The following CACNA2D1 variants were observed in gnomAD, a reference collection of about 807,000 sequenced individuals.
CACNA2D1 encodes the protein calcium voltage-gated channel auxiliary subunit alpha2delta 1.
In CACNA2D1, 53 loss-of-function variants were observed where a neutral mutation model predicts 171.5. The observed-to-expected ratio is 0.31, with a 90% confidence interval of 0.25 to 0.39. The LOEUF is 0.39. Ranked by LOEUF, CACNA2D1 falls within the 10% of genes least tolerant of loss-of-function variation. The pLI is 1.00. For missense variants in CACNA2D1, 903 were observed against 1,299.8 expected (o/e 0.69, Z 4.69); for synonymous variants, 442 against 443.1 (o/e 1.00, Z 0.03).
chr7:82,372,591 T>G (rs187229379), intron 1 of CACNA2D1, among the ~76,000 whole-genome samples: 3 of 151,942 alleles, frequency 2.0e-5, no homozygotes, highest in Admixed American at 1.3e-4. Context: ...TGTATAAAAT[T>G]TTGCAGTATA....
intron 4 of CACNA2D1, among the ~76,000 whole-genome samples, chr7:82,162,195 G>C (rs1185128878): frequency 6.6e-6 from 1 of 151,986 alleles, no homozygotes; most frequent in South Asian, 2.1e-4. Context: ...AGTGAGTAAA[G>C]GTGAAAATGT....
intron 5 of CACNA2D1, among the ~76,000 whole-genome samples, chr7:82,128,205 C>T (rs1790561321): frequency 1.3e-5 from 2 of 151,906 alleles, no homozygotes; most frequent in Admixed American, 1.3e-4. Flanking sequence ...GCTGGGATTA[C>T]AGGTGTGCAC....
chr7:82,422,382 C>T (rs932236293), intron 1 of CACNA2D1, among the ~76,000 whole-genome samples: 8 of 152,172 alleles, frequency 5.3e-5, no homozygotes, highest in African/African-American at 1.7e-4. Context: ...TTGTTGTGAG[C>T]TTTATCCAGA....
intron 24 of CACNA2D1, among the ~76,000 whole-genome samples, chr7:81,978,753 G>GTGTGTGTGTATATATATATATA (rs145105210): frequency 7.2e-6 from 1 of 139,478 alleles, no homozygotes; most frequent in African/African-American, 2.7e-5. Context: ...TTTAAAAAGT[G>GTGTGTGTGTATATATATATATA]TATATATATA....
intron 10 of CACNA2D1, among the ~76,000 whole-genome samples, chr7:82,041,790 G>C (rs1803992375): frequency 6.6e-6 from 1 of 152,058 alleles, no homozygotes; most frequent in African/African-American, 2.4e-5. Context: ...CCCTGTATTG[G>C]TAAGTAAAAA....
chr7:82,012,913 T>G (rs985336774), intron 14 of CACNA2D1, among the ~76,000 whole-genome samples: 5 of 152,090 alleles, frequency 3.3e-5, no homozygotes, highest in Non-Finnish European at 2.9e-5. Context: ...ATATTTAAAT[T>G]AACTTAATTA....
intron 2 of CACNA2D1, among the ~76,000 whole-genome samples, chr7:82,342,041 G>A (rs1276469262): frequency 9.2e-5 from 11 of 119,286 alleles, no homozygotes; most frequent in East Asian, 2.7e-4. Flanking sequence ...GCTACAGCGC[G>A]AGACTCCGTC....
chr7:82,157,814 C>T (rs1357424561), intron 4 of CACNA2D1, among the ~76,000 whole-genome samples: 3 of 151,894 alleles, frequency 2.0e-5, no homozygotes, highest in East Asian at 3.9e-4. Context: ...ACCCAAAATG[C>T]TCAGAACATA....
chr7:82,198,270 G>A lies in CACNA2D1; in HGVS notation c.295-27661C>T, dbSNP rs188926790. Among the ~76,000 whole-genome samples, 61 of 152,174 alleles carry A rather than the reference G, an allele frequency of 4.0e-4. No homozygotes were observed. In the East Asian group the frequency reaches 0.011, roughly 27 times the overall value. On this transcript the variant is annotated intron_variant, in intron 3 of 38. Coordinates refer to ENST00000356860, the MANE Select transcript of CACNA2D1 (RefSeq NM_000722.4). The stretch of plus-strand genomic sequence containing the variant: ...AAAACCTAGAGAAGCAGTAGGATGG[G>A]AGGAATAAGTTACTGGAGCACAAAG...
At chr7:82,162,646 G>C (rs577929705) in intron 4 of CACNA2D1, among the ~76,000 whole-genome samples, 6 of 151,748 alleles carry the variant, frequency 4.0e-5, no homozygotes, top group Non-Finnish European at 8.8e-5. Flanking sequence ...GAGACTTTAA[G>C]TTTAAATGAC....
chr7:82,171,846 G>C (rs1404866162), intron 3 of CACNA2D1, among the ~76,000 whole-genome samples: 1 of 152,016 alleles, frequency 6.6e-6, no homozygotes, highest in Admixed American at 6.6e-5. Flanking sequence ...ACAAATCTCA[G>C]AGTCATTTAT....
At chr7:82,192,452 GTTTGTGTT>G (rs1798401794) in intron 3 of CACNA2D1, among the ~76,000 whole-genome samples, 1 of 128,152 alleles carries the variant, frequency 7.8e-6, no homozygotes. Flanking sequence ...GTGTATGTGT[GTTTGTGTT>G]TGTGTGTGTG....
chr7:82,392,493 G>T (rs184190356), intron 1 of CACNA2D1, among the ~76,000 whole-genome samples: 15 of 152,298 alleles, frequency 9.8e-5, no homozygotes, highest in African/African-American at 2.6e-4. Context: ...CGTAATGCAG[G>T]GGGGCTGGGA....
At chr7:82,192,880 T>G (rs745927443) in intron 3 of CACNA2D1, among the ~76,000 whole-genome samples, 7 of 151,792 alleles carry the variant, frequency 4.6e-5, no homozygotes, top group Non-Finnish European at 1.0e-4. Context: ...TTATCTTGCA[T>G]AGTACCATCT....
chr7:82,427,609 T>G (rs148695850), intron 1 of CACNA2D1, among the ~76,000 whole-genome samples: 90 of 152,310 alleles, frequency 5.9e-4, no homozygotes, highest in African/African-American at 2.1e-3. Flanking sequence ...ATGAATATTT[T>G]TAATCCTTAC....
At chr7:82,199,919 A>G (rs994043739) in intron 3 of CACNA2D1, among the ~76,000 whole-genome samples, 1 of 152,102 alleles carries the variant, frequency 6.6e-6, no homozygotes, top group African/African-American at 2.4e-5. Flanking sequence ...GCCACACACA[A>G]AACACACAAA....
intron 1 of CACNA2D1, among the ~76,000 whole-genome samples, chr7:82,373,306 T>C (rs1282887739): frequency 1.3e-5 from 2 of 152,218 alleles, no homozygotes; most frequent in African/African-American, 4.8e-5. Flanking sequence ...AAATCAAAAA[T>C]TCTTTATTGT....
chr7:82,308,572 T>G (rs1331479960), intron 3 of CACNA2D1, among the ~76,000 whole-genome samples: 2 of 152,232 alleles, frequency 1.3e-5, no homozygotes, highest in South Asian at 2.1e-4. Context: ...TCTCCAATAT[T>G]TTGCTGCCCA....
intron 31 of CACNA2D1, among the ~76,000 whole-genome samples, chr7:81,966,883 A>T (rs1156695705): frequency 6.6e-6 from 1 of 151,504 alleles, no homozygotes; most frequent in African/African-American, 2.4e-5. Flanking sequence ...AGCTAAAGAT[A>T]AATATGTACA....
Sources: gnomAD v4.1 joint callset for allele counts (sites outside exome capture counted in the v4.1 genomes callset) on GRCh38, gnomAD v4.1.1 for gene constraint, MANE v1.5 for transcripts, NCBI Gene and HGNC (gene_info 2026-07-23, HGNC 2026-07-21) for gene names.